PTPN12: variants seen among roughly 807,000 people sequenced by gnomAD.
PTPN12 encodes protein tyrosine phosphatase non-receptor type 12, also known as tyrosine-protein phosphatase non-receptor type 12.
In PTPN12, 29 loss-of-function variants were observed where a neutral mutation model predicts 97.6. The ratio of observed to expected loss-of-function variants is 0.30; its 90% CI spans 0.22 to 0.41. The LOEUF (loss-of-function observed/expected upper bound fraction) is 0.41, where lower values mean the gene tolerates loss of function less well. PTPN12 is among the 10% of genes least tolerant of loss of function. PTPN12 has a pLI of 1.00. For missense variants in PTPN12, 819 were observed against 926.0 expected (o/e 0.88, Z 1.50); for synonymous variants, 327 against 300.4 (o/e 1.09, Z -0.91).
intron 9 of PTPN12, 71 bp downstream of exon 9, chr7:77,607,372 G>A: frequency 9.5e-7 from 1 of 1,054,568 alleles, no homozygotes; most frequent in Non-Finnish European, 1.4e-6. Flanking sequence ...TATAATTGCA[G>A]TAAATTATAG....
chr7:77,625,519 CTCTCA>C, intron 12 of PTPN12, among the ~76,000 whole-genome samples: 1 of 87,736 alleles, frequency 1.1e-5, no homozygotes, highest in Non-Finnish European at 2.2e-5. Context: ...CTCTCTCTCT[CTCTCA>C]CTCTCACTCT....
intron 1 of PTPN12, among the ~76,000 whole-genome samples, chr7:77,547,127 TTG>T (rs1491247267): frequency 5.9e-5 from 9 of 152,198 alleles, no homozygotes; most frequent in African/African-American, 2.2e-4. Context: ...ATGCAAAGAT[TTG>T]TCTCTGTCAT....
intron 2 of PTPN12, among the ~76,000 whole-genome samples, chr7:77,580,384 G>A (rs1787476376): frequency 6.6e-6 from 1 of 152,162 alleles, no homozygotes; most frequent in Admixed American, 6.5e-5. Context: ...TTTGGGAAGA[G>A]TTCCAGGATA....
intron 1 of PTPN12, among the ~76,000 whole-genome samples, chr7:77,562,199 G>T (rs1188989636): frequency 6.6e-6 from 1 of 152,056 alleles, no homozygotes; most frequent in African/African-American, 2.4e-5. Context: ...CATTACAGGC[G>T]CATGCCACCA....
intron 11 of PTPN12, among the ~76,000 whole-genome samples, chr7:77,617,003 G>A (rs941505666): frequency 1.3e-5 from 2 of 152,022 alleles, no homozygotes; most frequent in Admixed American, 6.6e-5. Context: ...GGCTGGTCTC[G>A]AACTCTAGAC....
At chr7:77,586,343 A>C (rs1038195363) in intron 5 of PTPN12, among the ~76,000 whole-genome samples, 1 of 152,184 alleles carries the variant, frequency 6.6e-6, no homozygotes, top group African/African-American at 2.4e-5. Flanking sequence ...ATGCTGGTAA[A>C]GGGTTTTGTT....
chr7:77,625,061 GGAGGTA>G (rs945287712), intron 12 of PTPN12, among the ~76,000 whole-genome samples: 5 of 152,180 alleles, frequency 3.3e-5, no homozygotes, highest in African/African-American at 9.6e-5. Context: ...CTGGAACCCA[GGAGGTA>G]GAGGTTCCAA....
chr7:77,569,491 G>A (rs182999922), intron 1 of PTPN12, among the ~76,000 whole-genome samples: 1 of 152,274 alleles, frequency 6.6e-6, no homozygotes, highest in African/African-American at 2.4e-5. Context: ...TGCTGCAGTG[G>A]TTGGGCGCGT....
intron 5 of PTPN12, among the ~76,000 whole-genome samples, chr7:77,585,816 C>T: frequency 6.6e-6 from 1 of 152,052 alleles, no homozygotes; most frequent in East Asian, 1.9e-4. Context: ...ATTATAGGTT[C>T]AGTTCCAGAC....
At position 77,592,232 on chromosome 7, in the gene PTPN12, G is replaced by A. The variant is rs374368904; in HGVS notation, c.468G>A (p.Thr156=). Residue 156 remains threonine (T), a synonymous_variant, in exon 6 of 18, where the codon ACG becomes ACA. Transcript: ENST00000248594. ...CTTTGTATGGAGAAGACCCCATAAC[G>A]TTTGCACCATTTAAAATTTCTTGTG... ...YWPLYGEDPI[T]FAPFKISCED... is the part of the protein sequence containing the mutation. The A allele has an allele frequency of 2.5e-6, 4 of 1,607,718 alleles. No homozygotes were observed. The highest frequency in any genetic ancestry group is 1.7e-5 in the Admixed American group (1 of 58,450).
At chr7:77,564,746 G>GGTTTTTTT (rs1808162192) in intron 1 of PTPN12, among the ~76,000 whole-genome samples, 3 of 45,402 alleles carry the variant, frequency 6.6e-5, no homozygotes, top group African/African-American at 1.8e-4. Context: ...TTGTTGTCGT[G>GGTTTTTTT]TTTTTTTTTT....
At chr7:77,537,777 G>T in intron 1 of PTPN12, 132 bp downstream of exon 1, 1 of 1,016,036 alleles carries the variant, frequency 9.8e-7, no homozygotes, top group South Asian at 2.1e-5. Flanking sequence ...CCAGCCGGGT[G>T]AGCCGGGTGG....
intron 1 of PTPN12, among the ~76,000 whole-genome samples, chr7:77,549,066 GACT>G (rs1336750475): frequency 6.6e-6 from 1 of 152,166 alleles, no homozygotes; most frequent in Non-Finnish European, 1.5e-5. Context: ...AGCTCAGAAT[GACT>G]AGAATTGCTA....
In PTPN12 at chr7:77,639,575, A is replaced by T. The variant is rs1035608861; in HGVS notation, c.*295A>T. ...TTATGATATATTGAGTTTAAGGACTACTCTTTTTCTGTTTTATCATGTATG... is the reference window on the plus strand; with the variant it reads ...TTATGATATATTGAGTTTAAGGACTTCTCTTTTTCTGTTTTATCATGTATG... On this transcript the variant is annotated 3_prime_UTR_variant, in exon 18 of 18. Transcript: ENST00000248594. The T allele has an allele frequency of 1.0e-5, 3 of 291,320 alleles. No individual in the cohort carries two copies. The highest frequency in any genetic ancestry group is 4.8e-5 in the Admixed American group (1 of 20,994). The allele number at this position is 291,320 out of a possible 1,614,324, so 18.0% of individuals were successfully genotyped here.
At chr7:77,551,120 G>A (rs1807461228) in intron 1 of PTPN12, among the ~76,000 whole-genome samples, 1 of 152,142 alleles carries the variant, frequency 6.6e-6, no homozygotes, top group Non-Finnish European at 1.5e-5. Flanking sequence ...GGGTGCAGGG[G>A]CATGATCTCT....
Position 77,583,575 on chromosome 7 carries a change from A to G in PTPN12, c.306A>G (p.Ala102=), listed in dbSNP as rs1457286999. 9 of 1,610,392 alleles carry G rather than the reference A, an allele frequency of 5.6e-6. No homozygotes were observed. The highest frequency in any genetic ancestry group is 1.7e-5 in the Admixed American group (1 of 59,324). Residue 102 remains alanine (A), a synonymous_variant, in exon 4 of 18, where the codon GCA becomes GCG. Coordinates refer to ENST00000248594, the MANE Select transcript of PTPN12 (RefSeq NM_002835.4). ...TTTAGGGCGTCTATGGGCCAAAAGC[A>G]TATGTAGCAACTCAAGGACCTTTAG... ...NFIKGVYGPK[A]YVATQGPLAN...
intron 1 of PTPN12, among the ~76,000 whole-genome samples, chr7:77,540,207 A>G (rs961244682): frequency 2.0e-5 from 3 of 150,016 alleles, no homozygotes; most frequent in East Asian, 2.0e-4. Flanking sequence ...AGGGATTCCT[A>G]TTGGAGAGTT....
At chr7:77,539,832 T>C (rs1167773132) in intron 1 of PTPN12, among the ~76,000 whole-genome samples, 1 of 152,086 alleles carries the variant, frequency 6.6e-6, no homozygotes, top group East Asian at 1.9e-4. Context: ...AGGCGCAAGC[T>C]ACCACGCCCT....
chr7:77,585,845 C>G (rs1787673270), intron 5 of PTPN12, among the ~76,000 whole-genome samples: 1 of 152,180 alleles, frequency 6.6e-6, no homozygotes, highest in Non-Finnish European at 1.5e-5. Context: ...TAGCGCAATT[C>G]AAACAAATTT....
Sources: gnomAD v4.1 joint callset for allele counts (sites outside exome capture counted in the v4.1 genomes callset) on GRCh38, gnomAD v4.1.1 for gene constraint, MANE v1.5 for transcripts, NCBI Gene and HGNC (gene_info 2026-07-23, HGNC 2026-07-21) for gene names.